The following COL11A1 variants were observed in gnomAD, a reference collection of about 807,000 sequenced individuals.
COL11A1 encodes collagen type XI alpha 1 chain, also known as collagen alpha-1(XI) chain.
COL11A1 carries 74 observed loss-of-function variants against 265.2 expected under a neutral mutation model. The observed-to-expected ratio is 0.28, with a 90% confidence interval of 0.23 to 0.34. COL11A1 has a LOEUF of 0.34. COL11A1 is among the 10% of genes least tolerant of loss of function. COL11A1 has a pLI of 1.00. For missense variants in COL11A1, 2,165 were observed against 2,263.6 expected, an observed-to-expected ratio of 0.96 and a Z score of 0.88; for synonymous variants, 816 against 727.6, an observed-to-expected ratio of 1.12 and a Z score of -1.96.
intron 58 of COL11A1, among the ~76,000 whole-genome samples, chr1:102,890,006 A>G (rs1382960999): frequency 6.6e-6 from 1 of 152,150 alleles, no homozygotes; most frequent in Admixed American, 6.6e-5. Context: ...AATCCAAACA[A>G]TAATAATACC....
At chr1:103,039,248 T>C (rs758010752) in intron 4 of COL11A1, among the ~76,000 whole-genome samples, 1 of 152,168 alleles carries the variant, frequency 6.6e-6, no homozygotes, top group African/African-American at 2.4e-5. Context: ...AATTTCCCTT[T>C]GATATGACAG....
chr1:102,978,982 T>C, intron 33 of COL11A1, 69 bp from the exon 34 acceptor site: 1 of 1,610,470 alleles, frequency 6.2e-7, no homozygotes, highest in Non-Finnish European at 8.5e-7. Context: ...AATCAATTTT[T>C]ATTTTTGAAA....
At chr1:102,888,096 C>T (rs1473775291) in intron 62 of COL11A1, among the ~76,000 whole-genome samples, 1 of 152,154 alleles carries the variant, frequency 6.6e-6, no homozygotes, top group Non-Finnish European at 1.5e-5. Flanking sequence ...AATAACATTT[C>T]TTTCACATGG....
At chr1:102,995,834 A>G (rs376557729) in intron 28 of COL11A1, 30 bp downstream of exon 28, 7 of 1,558,132 alleles carry the variant, frequency 4.5e-6, no homozygotes, top group Non-Finnish European at 6.2e-6. Flanking sequence ...ATACACAGAA[A>G]TTAATACCAT....
At chr1:103,009,045 AT>A (rs2101872869) in intron 14 of COL11A1, among the ~76,000 whole-genome samples, 1 of 152,258 alleles carries the variant, frequency 6.6e-6, no homozygotes, top group Admixed American at 6.5e-5. Flanking sequence ...GTGTTAACAC[AT>A]TTTTCCCAGG....
chr1:103,099,777 C>A (rs544813475), intron 1 of COL11A1, among the ~76,000 whole-genome samples: 7 of 151,672 alleles, frequency 4.6e-5, no homozygotes, highest in Admixed American at 3.3e-4. Context: ...TCAGTGGCAC[C>A]TTTGGAGAGA....
At chr1:102,996,524 A>G (rs1050173106) in intron 26 of COL11A1, among the ~76,000 whole-genome samples, 1 of 151,848 alleles carries the variant, frequency 6.6e-6, no homozygotes, top group Admixed American at 6.6e-5. Flanking sequence ...GTCTATCTAG[A>G]TAAAATGTTC....
chr1:102,923,682 T>C (rs6577340), intron 46 of COL11A1, among the ~76,000 whole-genome samples: 1 of 152,124 alleles, frequency 6.6e-6, no homozygotes, highest in Non-Finnish European at 1.5e-5. Flanking sequence ...CCCAACCATT[T>C]GCTCAGTCCC....
intron 43 of COL11A1, 103 bp downstream of exon 43, chr1:102,940,224 C>A: frequency 1.1e-6 from 1 of 927,672 alleles, no homozygotes. Context: ...AAAAAGGTAA[C>A]CTTTCACCTG....
chr1:102,951,095 C>A lies in COL11A1; in HGVS notation c.3169-4139G>T, dbSNP rs960550129. On this transcript the variant is annotated intron_variant, in intron 41 of 66. Transcript: ENST00000370096. Reference sequence around the variant, plus strand: ...CTTTCCTTTATAAATTATCTAGTCTCGGGCAGTTCTTTATAGCAGCACGAA... The same window carrying A: ...CTTTCCTTTATAAATTATCTAGTCTAGGGCAGTTCTTTATAGCAGCACGAA... Among the ~76,000 whole-genome samples the A allele has an allele frequency of 3.9e-5, 6 of 152,088 alleles. No individual in the cohort carries two copies. In the South Asian group the frequency reaches 1.2e-3, roughly 32 times the overall value.
At chr1:103,054,570 T>C (rs1327926947) in intron 4 of COL11A1, among the ~76,000 whole-genome samples, 2 of 151,922 alleles carry the variant, frequency 1.3e-5, no homozygotes, top group East Asian at 3.9e-4. Context: ...AAAAAGGGTG[T>C]TTTGTTGTTG....
At chr1:102,972,312 TTAAA>T (rs1437958957) in intron 36 of COL11A1, among the ~76,000 whole-genome samples, 2 of 152,160 alleles carry the variant, frequency 1.3e-5, no homozygotes, top group Admixed American at 1.3e-4. Context: ...AAATATAAGA[TTAAA>T]TATCTCATAT....
intron 10 of COL11A1, 72 bp downstream of exon 10, chr1:103,018,746 T>C (rs1666762561): frequency 2.6e-6 from 3 of 1,172,034 alleles, no homozygotes; most frequent in Non-Finnish European, 2.5e-6. Context: ...AATGTTCTCA[T>C]TCAGTAATTA....
At chr1:102,926,719 CTACTT>C (rs1294480598) in intron 46 of COL11A1, among the ~76,000 whole-genome samples, 7 of 151,968 alleles carry the variant, frequency 4.6e-5, no homozygotes, top group Non-Finnish European at 8.8e-5. Flanking sequence ...TACAAGACAC[CTACTT>C]TAATCATGAG....
At chr1:102,989,903 T>G (rs1048705587) in intron 28 of COL11A1, among the ~76,000 whole-genome samples, 1 of 152,114 alleles carries the variant, frequency 6.6e-6, no homozygotes, top group African/African-American at 2.4e-5. Flanking sequence ...AGTAAATATT[T>G]AGCCAGGTGT....
At chr1:102,918,459 T>A (rs756354686) in intron 49 of COL11A1, among the ~76,000 whole-genome samples, 26 of 151,844 alleles carry the variant, frequency 1.7e-4, no homozygotes, top group Non-Finnish European at 3.1e-4. Flanking sequence ...TTCTTCATTG[T>A]CAGTGACTGG....
intron 54 of COL11A1, among the ~76,000 whole-genome samples, chr1:102,900,495 T>A (rs1653047290): frequency 6.6e-6 from 1 of 152,130 alleles, no homozygotes; most frequent in Non-Finnish European, 1.5e-5. Context: ...AATAATAGCT[T>A]TTCCTTATTC....
At chr1:102,919,065 C>A (rs1201823684) in intron 49 of COL11A1, among the ~76,000 whole-genome samples, 2 of 151,952 alleles carry the variant, frequency 1.3e-5, no homozygotes, top group Admixed American at 6.6e-5. Context: ...CTGATGATAT[C>A]CTCAGAGACA....
chr1:102,957,320 C>T (rs1195469820), intron 41 of COL11A1, among the ~76,000 whole-genome samples: 1 of 152,000 alleles, frequency 6.6e-6, no homozygotes, highest in East Asian at 1.9e-4. Flanking sequence ...GGATATAGTG[C>T]ATAAGCTACA....
Sources: allele counts gnomAD v4.1 joint callset (sites outside exome capture counted in the v4.1 genomes callset), GRCh38; gene constraint gnomAD v4.1.1; transcripts MANE v1.5; gene names NCBI Gene and HGNC (gene_info 2026-07-23, HGNC 2026-07-21).